TRMT2B: variants seen among roughly 807,000 people sequenced by gnomAD.
TRMT2B encodes tRNA (uracil-5-)-methyltransferase homolog B.
In TRMT2B, 34 loss-of-function variants were observed where a neutral mutation model predicts 39.7. That is an observed-to-expected ratio of 0.86 (90% CI 0.65 to 1.14). TRMT2B has a LOEUF of 1.14. Among genes scored for constraint, TRMT2B ranks in the 50% most tolerant of loss-of-function variants. The probability of loss-of-function intolerance (pLI) is 0.00; values close to 1 mark genes in which losing one functional copy is unlikely to be tolerated. For synonymous variants in TRMT2B, 132 were observed against 137.3 expected, an observed-to-expected ratio of 0.96 and a Z score of 0.27; for missense variants, 318 against 377.2, an observed-to-expected ratio of 0.84 and a Z score of 1.30.
intron 2 of TRMT2B, among the ~76,000 whole-genome samples, chrX:101,049,672 A>G (rs1288799410): frequency 8.3e-5 from 9 of 108,595 alleles, no homozygotes; most frequent in African/African-American, 3.0e-4. Flanking sequence ...GCACGCCTAT[A>G]ATCCCAGCTA....
the TRMT2B span, among the ~76,000 whole-genome samples, chrX:100,977,865 C>T: frequency 5.3e-5 from 6 of 112,291 alleles, no homozygotes; most frequent in African/African-American, 1.9e-4. Flanking sequence ...AAATAGTACT[C>T]CATTGTGTAT....
At chrX:100,982,705 T>C in the TRMT2B span, among the ~76,000 whole-genome samples, 1 of 102,065 alleles carries the variant, frequency 9.8e-6, no homozygotes, top group Non-Finnish European at 2.0e-5. Flanking sequence ...TGGGGTGCAG[T>C]GGTACAGTGG....
At chrX:101,033,184 A>T (rs1416714798) in intron 7 of TRMT2B, among the ~76,000 whole-genome samples, 11 of 104,503 alleles carry the variant, frequency 1.1e-4, no homozygotes, top group African/African-American at 3.5e-4. Context: ...TGAACCCAGG[A>T]GGTGGAGATT....
chrX:100,973,823 CA>C, the TRMT2B span: 21 of 1,002,811 alleles, frequency 2.1e-5, no homozygotes, highest in Non-Finnish European at 2.8e-5. Flanking sequence ...CCTCAAGGGA[CA>C]AATCTTCATA....
chrX:101,050,730 T>TAAAAATA (rs1480867353), intron 2 of TRMT2B, among the ~76,000 whole-genome samples: 1 of 96,698 alleles, frequency 1.0e-5, no homozygotes, highest in African/African-American at 3.9e-5. Context: ...GTCTCAAAAA[T>TAAAAATA]AAAAATAAAA....
the TRMT2B span, among the ~76,000 whole-genome samples, chrX:101,003,981 C>A: frequency 9.1e-6 from 1 of 109,597 alleles, no homozygotes; most frequent in Non-Finnish European, 1.9e-5. Flanking sequence ...CAGACATGCA[C>A]CACCACGTCC....
At chrX:101,023,070 G>GTT (rs1340694547) in intron 8 of TRMT2B, among the ~76,000 whole-genome samples, 1 of 112,213 alleles carries the variant, frequency 8.9e-6, no homozygotes, top group Non-Finnish European at 1.9e-5. Context: ...GTATACGAAT[G>GTT]TTTTAACACA....
the TRMT2B span, among the ~76,000 whole-genome samples, chrX:100,986,508 T>G: frequency 8.9e-6 from 1 of 112,123 alleles, no homozygotes; most frequent in Admixed American, 9.5e-5. Context: ...ATAGCCCAGT[T>G]AGCAATTCTA....
chrX:101,021,733 AC>A (rs1767477977), intron 9 of TRMT2B, among the ~76,000 whole-genome samples: 1 of 112,598 alleles, frequency 8.9e-6, no homozygotes, highest in Non-Finnish European at 1.9e-5. Context: ...CAGCTAGGAG[AC>A]ACAGTCCTTG....
intron 2 of TRMT2B, among the ~76,000 whole-genome samples, chrX:101,048,836 TATACAA>T (rs763774342): frequency 8.9e-6 from 1 of 112,672 alleles, no homozygotes; most frequent in South Asian, 3.6e-4. Flanking sequence ...TGTCACCATC[TATACAA>T]ATAGGACTGA....
chrX:101,036,163 G>T (rs964188428), intron 6 of TRMT2B, among the ~76,000 whole-genome samples: 2 of 111,768 alleles, frequency 1.8e-5, no homozygotes, highest in Non-Finnish European at 3.8e-5. Flanking sequence ...GCTCAGGAAT[G>T]GGCCAAGCAC....
At chrX:101,005,121 G>A (rs1470300167), downstream of TRMT2B, among the ~76,000 whole-genome samples, 3 of 111,325 alleles carry the variant, frequency 2.7e-5, no homozygotes, top group Non-Finnish European at 3.8e-5. Context: ...GGCCATACAC[G>A]GAGGCTCATG....
chrX:101,013,636 C>A, intron 13 of TRMT2B: 1 of 118,952 alleles, frequency 8.4e-6, no homozygotes, highest in Non-Finnish European at 1.7e-5. Context: ...CCTGTAATAC[C>A]AGCTACTCAG....
intron 7 of TRMT2B, among the ~76,000 whole-genome samples, chrX:101,035,164 A>G (rs1202095035): frequency 8.9e-6 from 1 of 111,916 alleles, no homozygotes; most frequent in Non-Finnish European, 1.9e-5. Flanking sequence ...CCTGCACAAC[A>G]TGGCAAGACC....
intron 7 of TRMT2B, among the ~76,000 whole-genome samples, chrX:101,034,758 G>A (rs980538579): frequency 2.7e-5 from 3 of 111,576 alleles, no homozygotes; most frequent in Non-Finnish European, 3.8e-5. Context: ...AAGACCAGGC[G>A]CAGTGGCTCA....
At chrX:101,022,667 T>C (rs1418010478) in intron 8 of TRMT2B, among the ~76,000 whole-genome samples, 2 of 107,561 alleles carry the variant, frequency 1.9e-5, no homozygotes, top group African/African-American at 6.8e-5. Flanking sequence ...TGTGGTGACG[T>C]ATGCCTGTAG....
chrX:101,035,471 T>C (rs887551548), intron 7 of TRMT2B, 142 bp downstream of exon 7: 2 of 514,751 alleles, frequency 3.9e-6, no homozygotes, highest in African/African-American at 4.7e-5. Context: ...GTTTTCTCCA[T>C]AGTTAGAAGG....
In TRMT2B at chrX:101,036,979, C is replaced by T. The variant is rs2087880400; in HGVS notation, c.533G>A (p.Trp178Ter). ...TTATACAACCTTCAACTGACCTCTC[C>T]AAGTTCCCAGGTAGAACCCCACAGT... Reference protein sequence around the residue: ...PKTVGFYLGTWRDGNVVCVQS... With the variant: ...PKTVGFYLGT Residue 178 changes from tryptophan (W) to a stop codon, truncating the protein, a stop_gained, in exon 6 of 14, where the codon TGG (tryptophan) becomes TAG (stop). Coordinates refer to ENST00000372936, the MANE Select transcript of TRMT2B (RefSeq NM_024917.6). LOFTEE classifies it high-confidence loss of function. The T allele has an allele frequency of 8.3e-7, 1 of 1,207,282 alleles. No homozygotes were observed. Among genetic ancestry groups the T allele is most frequent in the Non-Finnish European group, 1.1e-6 (1 of 891,450 alleles).
At chrX:100,992,767 A>G in the TRMT2B span, among the ~76,000 whole-genome samples, 15 of 111,499 alleles carry the variant, frequency 1.3e-4, no homozygotes, top group African/African-American at 4.2e-4. Flanking sequence ...TTCTACCACC[A>G]CCATCTTACA....
Sources: gnomAD v4.1 joint callset for allele counts (sites outside exome capture counted in the v4.1 genomes callset) on GRCh38, gnomAD v4.1.1 for gene constraint, MANE v1.5 for transcripts, NCBI Gene and HGNC (gene_info 2026-07-23, HGNC 2026-07-21) for gene names.